EEIG1: variants seen among roughly 807,000 people sequenced by gnomAD.
EEIG1 encodes early estrogen-induced gene 1 protein.
At chr9:127,969,007 A>G in the EEIG1 span, among the ~76,000 whole-genome samples, 6,369 of 152,310 alleles carry the variant, frequency 0.042, 157 homozygotes, top group Middle Eastern at 0.075. Context: ...TGTGCTAGAC[A>G]CGGGGGACAC....
chr9:127,943,736 C>A, the EEIG1 span: 1 of 162,294 alleles, frequency 6.2e-6, no homozygotes, highest in South Asian at 1.5e-4. Context: ...CAGAGGGGGC[C>A]AGGGAGGGGT....
chr9:127,945,420 C>T, the EEIG1 span: 266 of 1,574,184 alleles, frequency 1.7e-4, 2 homozygotes, highest in South Asian at 2.2e-3. The surrounding 1 kb of genome is among the most constrained non-coding windows in gnomAD (Gnocchi z 6.5). Flanking sequence ...GCGGCTTCTC[C>T]GGGGGCCGGT....
At chr9:127,966,443 GAA>G in the EEIG1 span, among the ~76,000 whole-genome samples, 5 of 111,080 alleles carry the variant, frequency 4.5e-5, no homozygotes, top group Admixed American at 9.3e-5. Context: ...CCCCATCTCC[GAA>G]AAAAAAAAAA....
chr9:127,960,000 G>A, the EEIG1 span, among the ~76,000 whole-genome samples: 233 of 152,354 alleles, frequency 1.5e-3, 1 homozygote, highest in African/African-American at 5.4e-3. Flanking sequence ...TTAAATGGGT[G>A]TATTGTGTGG....
chr9:127,962,418 A>G, the EEIG1 span, among the ~76,000 whole-genome samples: 1 of 152,188 alleles, frequency 6.6e-6, no homozygotes, highest in Non-Finnish European at 1.5e-5. Context: ...AAGGAAACCC[A>G]ATCCCCGGCA....
At chr9:127,960,229 T>C in the EEIG1 span, among the ~76,000 whole-genome samples, 1 of 151,886 alleles carries the variant, frequency 6.6e-6, no homozygotes, top group East Asian at 1.9e-4. Context: ...GCCCTCCAGG[T>C]GAGGGAGCAG....
chr9:127,953,809 C>T, the EEIG1 span: 5 of 1,613,896 alleles, frequency 3.1e-6, no homozygotes, highest in African/African-American at 1.3e-5. Flanking sequence ...CCTCACCTTG[C>T]GCACAGACAC....
chr9:127,979,536 C>T, the EEIG1 span, among the ~76,000 whole-genome samples: 3 of 152,198 alleles, frequency 2.0e-5, no homozygotes, highest in Non-Finnish European at 4.4e-5. Context: ...CAGCCACCTC[C>T]CTCCAGCCAG....
the EEIG1 span, among the ~76,000 whole-genome samples, chr9:127,961,683 C>T: frequency 6.6e-6 from 1 of 152,198 alleles, no homozygotes; most frequent in Non-Finnish European, 1.5e-5. Flanking sequence ...GCAGACAGTG[C>T]CCCAACAATG....
the EEIG1 span, among the ~76,000 whole-genome samples, chr9:127,972,346 C>A: frequency 6.6e-6 from 1 of 152,188 alleles, no homozygotes. This position sits in a 1 kb window ranked among gnomAD's most constrained non-coding sequence, Gnocchi z 4.3. Context: ...CCCAGCAGCA[C>A]CTCATCAGTC....
chr9:127,973,658 T>G, the EEIG1 span, among the ~76,000 whole-genome samples: 11,560 of 152,234 alleles, frequency 0.076, 674 homozygotes, highest in African/African-American at 0.16. This position sits in a 1 kb window ranked among gnomAD's most constrained non-coding sequence, Gnocchi z 4.2. Flanking sequence ...ACCAGCAGTA[T>G]AGTCTGACCT....
At chr9:127,946,414 C>A in the EEIG1 span, among the ~76,000 whole-genome samples, 29 of 152,238 alleles carry the variant, frequency 1.9e-4, no homozygotes, top group Admixed American at 6.5e-4. Flanking sequence ...CTCTGAGTAT[C>A]CACCTGCCTT....
chr9:127,960,840 G>C, the EEIG1 span, among the ~76,000 whole-genome samples: 12 of 152,122 alleles, frequency 7.9e-5, no homozygotes, highest in Non-Finnish European at 1.5e-4. Context: ...CCCCTCCACA[G>C]GAAGAGCTCA....
At chr9:127,949,231 A>G in the EEIG1 span, among the ~76,000 whole-genome samples, 1 of 146,404 alleles carries the variant, frequency 6.8e-6, no homozygotes, top group Non-Finnish European at 1.5e-5. Flanking sequence ...AGAGAATGGC[A>G]TGAACCTGGG....
At chr9:127,966,123 C>T in the EEIG1 span, among the ~76,000 whole-genome samples, 1 of 152,196 alleles carries the variant, frequency 6.6e-6, no homozygotes, top group Non-Finnish European at 1.5e-5. Context: ...AGTGGACAGC[C>T]CACTGGGGCT....
the EEIG1 span, among the ~76,000 whole-genome samples, chr9:127,956,079 C>T: frequency 1.3e-5 from 2 of 152,168 alleles, no homozygotes; most frequent in Non-Finnish European, 2.9e-5. Flanking sequence ...GGGCTGAAGA[C>T]GGGAGGAAGG....
At chr9:127,951,819 A>AG in the EEIG1 span, among the ~76,000 whole-genome samples, 6 of 150,804 alleles carry the variant, frequency 4.0e-5, no homozygotes, top group Non-Finnish European at 8.9e-5. Context: ...CATCTCAAAA[A>AG]AAAAAAAAAA....
chr9:127,948,615 C>G, the EEIG1 span, among the ~76,000 whole-genome samples: 1 of 152,242 alleles, frequency 6.6e-6, no homozygotes, highest in Non-Finnish European at 1.5e-5. Flanking sequence ...AGAGATGGAA[C>G]CAAGGCCTGC....
At chr9:127,949,517 C>G in the EEIG1 span, among the ~76,000 whole-genome samples, 1 of 152,116 alleles carries the variant, frequency 6.6e-6, no homozygotes, top group Non-Finnish European at 1.5e-5. Context: ...CCCCAGGCTC[C>G]CTTGATCTGG....
Sources: allele counts gnomAD v4.1 joint callset (sites outside exome capture counted in the v4.1 genomes callset), GRCh38; gene constraint gnomAD v4.1.1; non-coding constraint Gnocchi (gnomAD v3.1); transcripts MANE v1.5; gene names NCBI Gene and HGNC (gene_info 2026-07-23, HGNC 2026-07-21).